Variants in DNAH7 observed in about 807,000 individuals in gnomAD.
DNAH7 encodes axonemal beta dynein heavy chain 7.
A neutral mutation model predicts 444.6 loss-of-function variants in DNAH7; 397 were observed. The observed-to-expected ratio is 0.89, with a 90% CI of 0.82 to 0.97. DNAH7 has a LOEUF of 0.97. Among genes scored for constraint, DNAH7 ranks in the 50% least tolerant of loss-of-function variants. The probability of loss-of-function intolerance (pLI) is 0.00; values close to 1 mark genes in which losing one functional copy is unlikely to be tolerated. For missense variants in DNAH7, 4,902 were observed against 4,800.8 expected (o/e 1.02, Z -0.62); for synonymous variants, 1,636 against 1,624.4 (o/e 1.01, Z -0.17).
intron 52 of DNAH7, among the ~76,000 whole-genome samples, chr2:195,809,331 C>T (rs956114120): frequency 6.6e-6 from 1 of 152,104 alleles, no homozygotes; most frequent in African/African-American, 2.4e-5. Context: ...CAGAATTCAA[C>T]CAATACATCA....
chr2:195,887,448 G>A (rs1224312178), intron 33 of DNAH7, among the ~76,000 whole-genome samples: 2 of 152,066 alleles, frequency 1.3e-5, no homozygotes, highest in Non-Finnish European at 2.9e-5. Context: ...CCTCTCTCTT[G>A]TCTAAGTCAC....
chr2:195,909,080 T>C lies in DNAH7; in HGVS notation c.4104+947A>G, dbSNP rs529459139. Among the ~76,000 whole-genome samples, 609 of 152,180 alleles carry C rather than the reference T, an allele frequency of 4.0e-3. 5 individuals are homozygous for C. The highest frequency in any genetic ancestry group is 5.1e-3 in the Non-Finnish European group (345 of 67,982). On this transcript the variant is annotated intron_variant, in intron 25 of 64. Transcript: ENST00000312428. ...AGAACAATGGACACTGGGGCCTGTTTGAGGGTGGAGGGTGGGAGAAGAGTG... is the reference window on the plus strand; with the variant it reads ...AGAACAATGGACACTGGGGCCTGTTCGAGGGTGGAGGGTGGGAGAAGAGTG...
chr2:196,051,802 C>A lies in DNAH7; in HGVS notation c.79-553G>T, dbSNP rs1018082062. 2.6e-5 allele frequency among the ~76,000 whole-genome samples: 4 copies of A among 152,158 alleles called. No individual in the cohort carries two copies. In the East Asian group the frequency reaches 7.7e-4, roughly 29 times the overall value. ...AATAAATAAAAAATAACAAGTTCTA[C>A]CTAGGAACTACTGACACTCACCAAT... On this transcript the variant is annotated intron_variant, in intron 2 of 64. Coordinates refer to ENST00000312428, the MANE Select transcript of DNAH7 (RefSeq NM_018897.3).
In DNAH7 at chr2:195,777,826, T is replaced by C; in HGVS notation, c.11038A>G (p.Ile3680Val). The change falls in exon 59 of 65, where the codon ATC becomes GTC. Residue 3680 changes from isoleucine (I) to valine (V), a missense_variant. Transcript: ENST00000312428. The part of the protein sequence containing the change: ...NSDYKFDSSG[I>V]YFVPPSGDHK... ...TCACCAGAAGGAGGAACAAAATAGA[T>C]GCCACTTGAGTCGAACTTATAGTCT... 1.9e-6 allele frequency: 3 copies of C among 1,613,434 alleles called. No homozygotes were observed. The highest frequency in any genetic ancestry group is 1.1e-5 in the South Asian group (1 of 90,970).
intron 25 of DNAH7, among the ~76,000 whole-genome samples, chr2:195,909,505 T>G (rs1687230428): frequency 6.6e-6 from 1 of 152,176 alleles, no homozygotes. Context: ...TACACTGATT[T>G]GATCTTTAGG....
chr2:195,778,932 C>T (rs1695240635), intron 58 of DNAH7, among the ~76,000 whole-genome samples: 2 of 151,234 alleles, frequency 1.3e-5, no homozygotes, highest in East Asian at 3.9e-4. Flanking sequence ...CAACCTCCAC[C>T]TCCCGGGTTC....
At chr2:195,799,221 T>G in intron 55 of DNAH7, 75 bp downstream of exon 55, 1 of 1,252,858 alleles carries the variant, frequency 8.0e-7, no homozygotes, top group Non-Finnish European at 1.1e-6. Context: ...CTTTCCCTCA[T>G]CCTTAAAATT....
At chr2:195,933,738 G>A (rs1285617711) in intron 21 of DNAH7, among the ~76,000 whole-genome samples, 3 of 138,640 alleles carry the variant, frequency 2.2e-5, no homozygotes, top group Non-Finnish European at 3.1e-5. Context: ...ATCACACACC[G>A]GGGCCTGTTG....
intron 19 of DNAH7, among the ~76,000 whole-genome samples, chr2:195,947,507 T>C (rs561152452): frequency 1.3e-5 from 2 of 152,292 alleles, no homozygotes; most frequent in Admixed American, 6.5e-5. Context: ...TGTGTGCTCA[T>C]TGTTCTACTC....
At chr2:195,798,710 A>T (rs1022725608) in intron 55 of DNAH7, among the ~76,000 whole-genome samples, 6 of 150,040 alleles carry the variant, frequency 4.0e-5, no homozygotes, top group Non-Finnish European at 7.4e-5. Context: ...CGCCCAGCTA[A>T]TTTTTTTTTG....
chr2:195,776,922 C>A (rs1415997033), intron 59 of DNAH7, among the ~76,000 whole-genome samples: 7 of 152,182 alleles, frequency 4.6e-5, no homozygotes, highest in African/African-American at 1.4e-4. Context: ...CACCTTACTT[C>A]ATCTTGCTTT....
rs540046662 is a variant in DNAH7 at position 195,992,121 on chromosome 2, A to C, written c.1354-3892T>G. On this transcript the variant is annotated intron_variant, in intron 12 of 64. Transcript: ENST00000312428. ...GCAGCTGGCAAAGATAATTACACAA[A>C]GCTGAAAGTAGAGGCAGCTAACCAG... is the stretch of plus-strand genomic sequence containing the variant. 1.7e-3 allele frequency among the ~76,000 whole-genome samples: 255 copies of C among 152,348 alleles called. 1 individual carries two copies. Among genetic ancestry groups the C allele is most frequent in the Non-Finnish European group, 1.9e-3 (127 of 68,026 alleles).
intron 13 of DNAH7, 48 bp downstream of exon 13, chr2:195,987,907 GAA>G (rs776180639): frequency 1.3e-6 from 2 of 1,495,586 alleles, no homozygotes; most frequent in African/African-American, 2.8e-5. Context: ...TAAAACTGGG[GAA>G]AAGATACCAG....
intron 51 of DNAH7, among the ~76,000 whole-genome samples, chr2:195,814,812 C>G (rs1697147818): frequency 6.6e-6 from 1 of 151,900 alleles, no homozygotes; most frequent in African/African-American, 2.4e-5. Context: ...ACAATCACGA[C>G]TCACTGCGGC....
At chr2:195,781,970 G>A (rs1559092386) in intron 58 of DNAH7, among the ~76,000 whole-genome samples, 1 of 80,294 alleles carries the variant, frequency 1.2e-5, no homozygotes, top group Non-Finnish European at 2.6e-5. Flanking sequence ...TGAGAGGTGG[G>A]TCTTATACAC....
chr2:195,791,264 G>A (rs1695864500), intron 57 of DNAH7, among the ~76,000 whole-genome samples: 1 of 151,288 alleles, frequency 6.6e-6, no homozygotes, highest in Admixed American at 6.6e-5. Context: ...TCAGGAGATC[G>A]AGACCATCCT....
In DNAH7 at chr2:196,014,966, A is replaced by G. The variant is rs532135477; in HGVS notation, c.870-2060T>C. 1.8e-4 allele frequency among the ~76,000 whole-genome samples: 27 copies of G among 152,258 alleles called. 1 individual carries two copies. The South Asian group carries it at 5.2e-3, about 29-fold the overall frequency. ...TGTGCATAGTATAACTTATTTAACT[A>G]GTCTATCAATGGATGCTGGCTTGTT... On this transcript the variant is annotated intron_variant, in intron 9 of 64. Coordinates refer to ENST00000312428, the MANE Select transcript of DNAH7 (RefSeq NM_018897.3).
chr2:195,739,644 C>CGT (rs1013250370), intron 64 of DNAH7, among the ~76,000 whole-genome samples: 4 of 152,102 alleles, frequency 2.6e-5, no homozygotes, highest in African/African-American at 9.7e-5. Flanking sequence ...ATAATGAACA[C>CGT]GTGTGTGTGT....
rs775662447 is a variant in DNAH7, at chr2:195,876,611, T to C, written c.6050A>G (p.Asn2017Ser). 2 of 1,613,814 alleles carry C rather than the reference T, an allele frequency of 1.2e-6. No homozygotes were observed. The highest frequency in any genetic ancestry group is 3.3e-5 in the Admixed American group (2 of 60,028). Reference sequence around the variant, plus strand: ...CTTGTCCAATTTTGACATGACAATATTCTGAGTTTGAGCTGCTGTAGTTTG... The same window carrying C: ...CTTGTCCAATTTTGACATGACAATACTCTGAGTTTGAGCTGCTGTAGTTTG... ...SAQTTAAQTQ[N>S]IVMSKLDKRR... Residue 2017 changes from asparagine to serine, a missense_variant, in exon 37 of 65, where the codon AAT becomes AGT. Physicochemically the swap from Asn to Ser is conservative, Grantham distance 46 (BLOSUM62 1). Transcript: ENST00000312428.
Sources: gnomAD v4.1 joint callset for allele counts (sites outside exome capture counted in the v4.1 genomes callset) on GRCh38, gnomAD v4.1.1 for gene constraint, MANE v1.5 for transcripts, NCBI Gene and HGNC (gene_info 2026-07-23, HGNC 2026-07-21) for gene names.